Variants in TRIO observed in about 807,000 individuals in gnomAD.
TRIO encodes the protein trio Rho guanine nucleotide exchange factor.
In TRIO, 58 loss-of-function variants were observed where a neutral mutation model predicts 351.9. That is an observed-to-expected ratio of 0.16 (90% CI 0.13 to 0.21). The LOEUF is 0.21. Among genes scored for constraint, TRIO ranks in the 10% least tolerant of loss-of-function variants. TRIO has a pLI of 1.00. For synonymous variants in TRIO, 1,758 were observed against 1,595.7 expected, an observed-to-expected ratio of 1.10 and a Z score of -2.42; for missense variants, 3,201 against 4,027.8, an observed-to-expected ratio of 0.79 and a Z score of 5.56.
At chr5:14,360,692 A>G (rs1218276505) in intron 13 of TRIO, among the ~76,000 whole-genome samples, 1 of 152,192 alleles carries the variant, frequency 6.6e-6, no homozygotes, top group African/African-American at 2.4e-5. Context: ...GCCTGTCTAT[A>G]GGCCTGCCCT....
rs763993762 is a variant in TRIO at position 14,497,011 on chromosome 5, T to A, written c.8013T>A (p.Ser2671=). The A allele has an allele frequency of 1.9e-6, 3 of 1,614,188 alleles. No homozygotes were observed. Among genetic ancestry groups the A allele is most frequent in the Admixed American group, 1.7e-5 (1 of 60,030 alleles). The change falls in exon 50 of 57, where the codon TCT becomes TCA. Residue 2671 remains serine (S), a synonymous_variant. Transcript: ENST00000344204. This position sits in a 1 kb window ranked among gnomAD's most constrained non-coding sequence, Gnocchi z 4.4. ...KSREGLSNKV[S]VKLLNPNYIY... ...GGGAAGGACTCAGCAACAAGGTATC[T>A]GTGAAGGTGTGTTCGGGGGTCTTCA...
intron 9 of TRIO, among the ~76,000 whole-genome samples, chr5:14,326,044 C>T (rs543450023): frequency 1.4e-4 from 21 of 151,904 alleles, no homozygotes; most frequent in African/African-American, 2.7e-4. Context: ...GCAGTGTAGA[C>T]GGGAGGATGA....
At chr5:14,241,372 G>A (rs1045678129) in intron 1 of TRIO, among the ~76,000 whole-genome samples, 7 of 152,296 alleles carry the variant, frequency 4.6e-5, no homozygotes, top group African/African-American at 1.7e-4. Flanking sequence ...AGAAGCTTCT[G>A]TAATCTGTTA....
intron 1 of TRIO, among the ~76,000 whole-genome samples, chr5:14,267,122 C>T (rs1319163928): frequency 6.6e-6 from 1 of 152,198 alleles, no homozygotes; most frequent in Non-Finnish European, 1.5e-5. Flanking sequence ...GTGGGTACAA[C>T]TAAATGTCCC....
intron 43 of TRIO, 62 bp from the exon 44 acceptor site, chr5:14,481,172 A>T: frequency 6.5e-7 from 1 of 1,537,604 alleles, no homozygotes; most frequent in Non-Finnish European, 8.8e-7. Flanking sequence ...AAAAAAAAAA[A>T]TAAAAGGTCA....
At chr5:14,347,612 G>A (rs930227631) in intron 11 of TRIO, among the ~76,000 whole-genome samples, 1 of 152,228 alleles carries the variant, frequency 6.6e-6, no homozygotes, top group Non-Finnish European at 1.5e-5. Context: ...CAAATTTCCA[G>A]CGTATAGCAA....
intron 1 of TRIO, among the ~76,000 whole-genome samples, chr5:14,162,986 G>T (rs866551878): frequency 4.6e-5 from 7 of 151,902 alleles, no homozygotes; most frequent in South Asian, 4.2e-4. Flanking sequence ...TTTATTTTTT[G>T]TTTGTTTGTT....
At chr5:14,283,193 TGTA>T (rs1212714614) in intron 3 of TRIO, among the ~76,000 whole-genome samples, 2 of 152,226 alleles carry the variant, frequency 1.3e-5, no homozygotes, top group African/African-American at 4.8e-5. Flanking sequence ...GATGGTTTGT[TGTA>T]GTAGAGTGGT....
intron 40 of TRIO, 76 bp from the exon 41 acceptor site, chr5:14,476,814 AAAAG>A (rs1755111618): frequency 2.3e-6 from 3 of 1,291,364 alleles, no homozygotes; most frequent in Non-Finnish European, 3.2e-6. Context: ...GAAAAAAAGA[AAAAG>A]AAAAAATGTA....
chr5:14,393,936 C>A, intron 27 of TRIO, 102 bp from the exon 28 acceptor site: 1 of 640,792 alleles, frequency 1.6e-6, no homozygotes, highest in South Asian at 3.4e-5. Context: ...CATGATTAAA[C>A]AGTTGTCAGG....
chr5:14,470,579 C>A (rs973437206), intron 37 of TRIO, among the ~76,000 whole-genome samples: 26 of 152,332 alleles, frequency 1.7e-4, no homozygotes, highest in African/African-American at 6.3e-4. Flanking sequence ...CACCAATATT[C>A]AACTTACAGA....
chr5:14,362,069 G>A (rs1282097806), intron 13 of TRIO, among the ~76,000 whole-genome samples: 3 of 152,178 alleles, frequency 2.0e-5, no homozygotes, highest in Non-Finnish European at 4.4e-5. Context: ...AGGGGAGATT[G>A]CACCATTGCA....
At chr5:14,316,780 G>T (rs941339357) in intron 9 of TRIO, 37 bp downstream of exon 9, 1 of 1,579,334 alleles carries the variant, frequency 6.3e-7, no homozygotes, top group African/African-American at 1.4e-5. Flanking sequence ...ATGGGAAATG[G>T]CTTGTGTTGA....
intron 41 of TRIO, among the ~76,000 whole-genome samples, 158 bp from the exon 42 acceptor site, chr5:14,479,103 T>C (rs906258011): frequency 3.3e-5 from 5 of 152,226 alleles, no homozygotes; most frequent in Non-Finnish European, 7.3e-5. Context: ...AATGCTGATC[T>C]ACATCCTGAA....
At chr5:14,257,716 G>T (rs1795105893) in intron 1 of TRIO, among the ~76,000 whole-genome samples, 1 of 152,188 alleles carries the variant, frequency 6.6e-6, no homozygotes, top group African/African-American at 2.4e-5. Flanking sequence ...CTATGATTGT[G>T]TGGATTTTTA....
intron 1 of TRIO, among the ~76,000 whole-genome samples, chr5:14,202,546 T>G (rs1187686353): frequency 6.6e-6 from 1 of 151,722 alleles, no homozygotes; most frequent in East Asian, 1.9e-4. Flanking sequence ...CATCTTTAAT[T>G]GTAGCTCTCA....
chr5:14,369,241 A>G, intron 17 of TRIO, 133 bp from the exon 18 acceptor site: 1 of 1,296,036 alleles, frequency 7.7e-7, no homozygotes, highest in Non-Finnish European at 1.0e-6. Flanking sequence ...GGTGGAGCCC[A>G]TGGCTCCTTC....
intron 34 of TRIO, among the ~76,000 whole-genome samples, chr5:14,434,154 T>C (rs1579642707): frequency 6.6e-6 from 1 of 152,334 alleles, no homozygotes; most frequent in East Asian, 1.9e-4. Flanking sequence ...AAAGTAAATT[T>C]CGTGGGCATT....
Position 14,481,258 on chromosome 5 carries a change from G to T in TRIO, c.6361G>T (p.Ala2121Ser). 6.2e-7 allele frequency: 1 copy of T among 1,613,698 alleles called. No homozygotes were observed. Among genetic ancestry groups the T allele is most frequent in the Non-Finnish European group, 8.5e-7 (1 of 1,179,848 alleles). Residue 2121 changes from alanine to serine, a missense_variant, in exon 44 of 57, where the codon GCC becomes TCC. This residue lies in a region of TRIO where 307 missense variants were observed against 396.5 expected (regional missense o/e 0.77). Transcript: ENST00000344204. ...LKDFLKYSKKASLDTSELERA... is the reference protein window; with the variant it reads ...LKDFLKYSKKSSLDTSELERA... Reference sequence around the variant, plus strand: ...GGACTTCCTCAAGTATTCCAAAAAGGCCAGCCTGGATACATCAGAATTAGA... The same window carrying T: ...GGACTTCCTCAAGTATTCCAAAAAGTCCAGCCTGGATACATCAGAATTAGA...
Sources: gnomAD v4.1 joint callset for allele counts (sites outside exome capture counted in the v4.1 genomes callset) on GRCh38, gnomAD v4.1.1 for gene constraint, gnomAD v4.1.1 regional missense constraint, Gnocchi (gnomAD v3.1) non-coding constraint, MANE v1.5 for transcripts, NCBI Gene and HGNC (gene_info 2026-07-23, HGNC 2026-07-21) for gene names.